The following MSL3B variants were observed in gnomAD, a reference collection of about 807,000 sequenced individuals.
The protein encoded by MSL3B is MSL complex subunit 3 pseudogene 1.
chr2:233,865,250 A>G, the MSL3B span, among the ~76,000 whole-genome samples: 1 of 152,162 alleles, frequency 6.6e-6, no homozygotes, highest in Non-Finnish European at 1.5e-5. Flanking sequence ...TTTAATTTCT[A>G]CCTTTGGGGC....
the MSL3B span, chr2:233,866,714 G>A: frequency 8.0e-5 from 63 of 791,678 alleles, no homozygotes; most frequent in Non-Finnish European, 1.4e-4. Flanking sequence ...ACCGCTGGTC[G>A]ACTGACTCTC....
At chr2:233,867,029 G>C in the MSL3B span, 3 of 1,261,050 alleles carry the variant, frequency 2.4e-6, no homozygotes, top group East Asian at 6.9e-5. Flanking sequence ...GGCTGAAAAG[G>C]CTGCACTGAT....
the MSL3B span, chr2:233,865,579 A>G: frequency 6.6e-6 from 1 of 152,428 alleles, no homozygotes; most frequent in African/African-American, 2.4e-5. Context: ...ACCAAAAATA[A>G]TGTTTCACAG....
At chr2:233,866,316 C>G in the MSL3B span, 1 of 798,358 alleles carries the variant, frequency 1.3e-6, no homozygotes, top group Non-Finnish European at 2.3e-6. Context: ...GGAAGTTTGA[C>G]AAACAATCGC....
chr2:233,867,117 G>T, the MSL3B span: 1 of 878,510 alleles, frequency 1.1e-6, no homozygotes, highest in Non-Finnish European at 2.0e-6. Flanking sequence ...CGTTTCCTCC[G>T]ATTAATGTAG....
At chr2:233,864,926 T>TCG in the MSL3B span, among the ~76,000 whole-genome samples, 125 of 152,070 alleles carry the variant, frequency 8.2e-4, 4 homozygotes, top group South Asian at 0.025. Flanking sequence ...TCTGGACACT[T>TCG]ACGGGTTTTG....
At chr2:233,868,219 A>G in the MSL3B span, 6 of 444,230 alleles carry the variant, frequency 1.4e-5, no homozygotes, top group South Asian at 1.1e-4. Flanking sequence ...TCCCAACAAT[A>G]ACATTAACAA....
chr2:233,866,331 A>C, the MSL3B span: 7 of 807,568 alleles, frequency 8.7e-6, no homozygotes, highest in African/African-American at 1.0e-4. Context: ...AATCGCAGCA[A>C]ATGTTGCGCC....
the MSL3B span, chr2:233,866,886 G>C: frequency 6.8e-7 from 1 of 1,466,116 alleles, no homozygotes; most frequent in Non-Finnish European, 9.6e-7. Flanking sequence ...AAAACCAACG[G>C]GAGAGTGTAA....
chr2:233,867,789 A>ATT, the MSL3B span, among the ~76,000 whole-genome samples: 2,437 of 72,762 alleles, frequency 0.033, 128 homozygotes, highest in East Asian at 0.22. Context: ...CTAATCTACG[A>ATT]TTTTTTTTTT....
At chr2:233,866,011 G>A in the MSL3B span, 5 of 381,682 alleles carry the variant, frequency 1.3e-5, no homozygotes, top group Non-Finnish European at 2.0e-5. Flanking sequence ...CTCTGTCAAA[G>A]CCCCCTGGTG....
the MSL3B span, chr2:233,867,125 T>A: frequency 1.2e-6 from 1 of 857,574 alleles, no homozygotes; most frequent in Non-Finnish European, 2.0e-6. Flanking sequence ...CCGATTAATG[T>A]AGTAACAATC....
chr2:233,867,262 A>T, the MSL3B span: 101 of 751,554 alleles, frequency 1.3e-4, no homozygotes, highest in Middle Eastern at 7.0e-4. Flanking sequence ...CACATTCTTC[A>T]CTTATTTTTT....
At chr2:233,867,790 T>C in the MSL3B span, among the ~76,000 whole-genome samples, 3 of 67,752 alleles carry the variant, frequency 4.4e-5, no homozygotes, top group South Asian at 1.3e-3. Context: ...TAATCTACGA[T>C]TTTTTTTTTT....
the MSL3B span, among the ~76,000 whole-genome samples, chr2:233,865,014 CA>C: frequency 2.6e-5 from 4 of 152,154 alleles, no homozygotes; most frequent in African/African-American, 7.2e-5. Context: ...CATTCTCTCA[CA>C]GTATTATCAC....
chr2:233,865,847 C>T, the MSL3B span: 1,848 of 278,442 alleles, frequency 6.6e-3, 116 homozygotes, highest in East Asian at 0.14. Context: ...TGTACACTTC[C>T]ATGAACATTT....
chr2:233,867,979 CAG>C, the MSL3B span: 9 of 169,370 alleles, frequency 5.3e-5, no homozygotes, highest in Non-Finnish European at 1.2e-4. Context: ...TTAGTAGAGA[CAG>C]AGTTTCGCCA....
chr2:233,867,454 A>C, the MSL3B span: 1 of 409,950 alleles, frequency 2.4e-6, no homozygotes, highest in African/African-American at 2.1e-5. Flanking sequence ...TTTATGCTGT[A>C]ATCTACGAAT....
the MSL3B span, chr2:233,867,125 T>C: frequency 1.2e-6 from 1 of 857,456 alleles, no homozygotes; most frequent in African/African-American, 1.7e-5. Context: ...CCGATTAATG[T>C]AGTAACAATC....
Sources: gnomAD v4.1 joint callset for allele counts (sites outside exome capture counted in the v4.1 genomes callset) on GRCh38, gnomAD v4.1.1 for gene constraint, MANE v1.5 for transcripts, NCBI Gene and HGNC (gene_info 2026-07-23, HGNC 2026-07-21) for gene names.